Variants in HEXB observed in about 807,000 individuals in gnomAD.
The protein encoded by HEXB is hexosaminidase subunit beta.
A neutral mutation model predicts 71.2 loss-of-function variants in HEXB; 51 were observed. That is an observed-to-expected ratio of 0.72 (90% confidence interval 0.57 to 0.90). The LOEUF is 0.90. Among genes scored for constraint, HEXB ranks in the 40% least tolerant of loss-of-function variants. The pLI is 0.00. For synonymous variants in HEXB, 266 were observed against 249.3 expected, an observed-to-expected ratio of 1.07 and a Z score of -0.63; for missense variants, 617 against 677.0, an observed-to-expected ratio of 0.91 and a Z score of 0.98.
intron 5 of HEXB, among the ~76,000 whole-genome samples, chr5:74,701,896 C>G (rs1749269069): frequency 6.6e-6 from 1 of 152,004 alleles, no homozygotes; most frequent in Non-Finnish European, 1.5e-5. Flanking sequence ...GTACAACCAT[C>G]AAAATCAGGA....
At chr5:74,655,078 C>A (rs1748192794) in intron 1 of HEXB, among the ~76,000 whole-genome samples, 1 of 151,488 alleles carries the variant, frequency 6.6e-6, no homozygotes, top group Admixed American at 6.6e-5. Context: ...AGAGAGGCTC[C>A]CAGAGAGGGT....
chr5:74,688,289 G>T (rs1258138568), intron 1 of HEXB, among the ~76,000 whole-genome samples: 1 of 148,854 alleles, frequency 6.7e-6, no homozygotes, highest in Non-Finnish European at 1.5e-5. Flanking sequence ...TGCCTTTACA[G>T]AATTTTTATT....
chr5:74,672,501 C>T (rs1748557788), intron 1 of HEXB, among the ~76,000 whole-genome samples: 1 of 152,198 alleles, frequency 6.6e-6, no homozygotes. Flanking sequence ...AAGCTATAGA[C>T]CACACTGAAT....
At chr5:74,682,886 A>G (rs964597817), upstream of HEXB, among the ~76,000 whole-genome samples, 3 of 152,226 alleles carry the variant, frequency 2.0e-5, no homozygotes, top group Non-Finnish European at 4.4e-5. Context: ...GCAGATTAAC[A>G]CAAGGAAAGC....
intron 2 of HEXB, among the ~76,000 whole-genome samples, chr5:74,691,347 A>C (rs889563709): frequency 2.0e-5 from 3 of 152,204 alleles, no homozygotes; most frequent in African/African-American, 4.8e-5. Context: ...ACTGCAGATA[A>C]ATGGACACAT....
At chr5:74,643,468 A>G (rs767278290) in intron 1 of HEXB, among the ~76,000 whole-genome samples, 2 of 152,178 alleles carry the variant, frequency 1.3e-5, no homozygotes, top group Non-Finnish European at 2.9e-5. Context: ...CGCATTACAC[A>G]ATAGCCAACA....
chr5:74,680,555 G>C (rs564525957), upstream of HEXB, among the ~76,000 whole-genome samples: 54 of 152,260 alleles, frequency 3.5e-4, no homozygotes, highest in African/African-American at 1.2e-3. Context: ...GAGATTTTTG[G>C]GGTTCTTGGG....
chr5:74,709,353 A>G (rs1483766014), intron 6 of HEXB, among the ~76,000 whole-genome samples: 2 of 152,106 alleles, frequency 1.3e-5, no homozygotes, highest in East Asian at 3.9e-4. Flanking sequence ...AAGATCCAAA[A>G]TTGACACCCT....
intron 1 of HEXB, among the ~76,000 whole-genome samples, chr5:74,675,744 AC>A (rs1748618758): frequency 6.6e-6 from 1 of 152,198 alleles, no homozygotes; most frequent in Non-Finnish European, 1.5e-5. Flanking sequence ...GATATGACTG[AC>A]TTTACATTTT....
chr5:74,666,978 A>G (rs1748443422), intron 1 of HEXB, among the ~76,000 whole-genome samples: 1 of 152,122 alleles, frequency 6.6e-6, no homozygotes, highest in Non-Finnish European at 1.5e-5. Flanking sequence ...CTATTTTTGT[A>G]AATGCTGGTA....
chr5:74,721,083 TCAATCTAAAA>T (rs1749841195), intron 13 of HEXB, 25 bp from the exon 14 acceptor site: 3 of 1,499,990 alleles, frequency 2.0e-6, no homozygotes, highest in African/African-American at 2.8e-5. Context: ...TCAATCTAAA[TCAATCTAAAA>T]TATCTTTATT....
At chr5:74,655,537 C>T (rs373229725) in intron 1 of HEXB, among the ~76,000 whole-genome samples, 12 of 151,902 alleles carry the variant, frequency 7.9e-5, no homozygotes, top group Admixed American at 3.3e-4. Flanking sequence ...GATTTCAGCA[C>T]GTTGGCCAGG....
intron 2 of HEXB, chr5:74,693,344 C>T (rs1749043328): frequency 2.1e-6 from 1 of 469,572 alleles, no homozygotes; most frequent in Admixed American, 3.3e-5. Context: ...AATTCCCGTT[C>T]TGAGTGACTC....
At chr5:74,713,659 T>C in intron 7 of HEXB, 24 bp downstream of exon 7, 2 of 1,589,838 alleles carry the variant, frequency 1.3e-6, no homozygotes, top group Non-Finnish European at 1.7e-6. Context: ...TTTTATTTCA[T>C]TTTATCTTAT....
At chr5:74,648,768 A>G (rs1224873870) in intron 1 of HEXB, among the ~76,000 whole-genome samples, 1 of 152,244 alleles carries the variant, frequency 6.6e-6, no homozygotes. Flanking sequence ...AATAAAATAT[A>G]AACAACTTTC....
chr5:74,715,731 G>T, intron 8 of HEXB, 41 bp downstream of exon 8: 1 of 1,173,644 alleles, frequency 8.5e-7, no homozygotes. Context: ...AAAAAAAAAA[G>T]AGAGGCTGGG....
In HEXB at chr5:74,705,447, A is replaced by T; in HGVS notation, c.771+127A>T. On this transcript the variant is annotated intron_variant, in intron 6 of 13. Transcript: ENST00000261416. ...AAAAATCAGATGTTTATGGTTTTTA[A>T]TTTTTTTGGCTGTGACTTAGCATTT... is the stretch of plus-strand genomic sequence containing the variant. 3 of 699,622 alleles carry T rather than the reference A, an allele frequency of 4.3e-6. No individual in the cohort carries two copies. The South Asian group carries it at 4.8e-5, about 11-fold the overall frequency. The allele number at this position is 699,622 out of a possible 1,614,324, so 43.3% of individuals were successfully genotyped here. A position where few individuals can be genotyped will look rare whatever the true frequency, so the allele number is the denominator to read the frequency against.
In HEXB at chr5:74,718,782, T is replaced by C; in HGVS notation, c.1243-15T>C. The C allele has an allele frequency of 1.2e-6, 2 of 1,613,364 alleles. No homozygotes were observed. The highest frequency in any genetic ancestry group is 1.7e-6 in the Non-Finnish European group (2 of 1,179,342). ...TAGGCCTAATAATATGTATTGCAAT[T>C]TGTAACGTTAATAGCTTGCGCCGGG... is the stretch of plus-strand genomic sequence containing the variant. On this transcript the variant is annotated splice_polypyrimidine_tract_variant and intron_variant, in intron 10 of 13. Coordinates refer to ENST00000261416, the MANE Select transcript of HEXB (RefSeq NM_000521.4).
intron 5 of HEXB, among the ~76,000 whole-genome samples, 193 bp downstream of exon 5, chr5:74,697,299 T>C (rs1362857122): frequency 6.6e-6 from 1 of 152,220 alleles, no homozygotes; most frequent in Admixed American, 6.5e-5. Flanking sequence ...ATCACCCTCC[T>C]GTTTTCAGTG....
Sources: allele counts gnomAD v4.1 joint callset (sites outside exome capture counted in the v4.1 genomes callset), GRCh38; gene constraint gnomAD v4.1.1; transcripts MANE v1.5; gene names NCBI Gene and HGNC (gene_info 2026-07-23, HGNC 2026-07-21).